The following RGPD2 variants were observed in gnomAD, a reference collection of about 807,000 sequenced individuals.
RGPD2 encodes the protein RANBP2 like and GRIP domain containing 2.
A neutral mutation model predicts 36.0 loss-of-function variants in RGPD2; 2 were observed. That is an observed-to-expected ratio of 0.06 (90% CI 0.02 to 0.17). RGPD2 has a LOEUF of 0.17. RGPD2 is among the 10% of genes least tolerant of loss of function. RGPD2 has a pLI of 1.00. For missense variants in RGPD2, 40 were observed against 464.3 expected, an observed-to-expected ratio of 0.09 and a Z score of 8.40; for synonymous variants, 19 against 163.8, an observed-to-expected ratio of 0.12 and a Z score of 6.75.
At chr2:87,913,991 C>T in the RGPD2 span, among the ~76,000 whole-genome samples, 1 of 151,984 alleles carries the variant, frequency 6.6e-6, no homozygotes, top group Non-Finnish European at 1.5e-5. Flanking sequence ...ATGCTAATTG[C>T]TTAAAGAAGA....
the RGPD2 span, among the ~76,000 whole-genome samples, chr2:87,875,532 C>T: frequency 6.6e-6 from 1 of 152,164 alleles, no homozygotes; most frequent in African/African-American, 2.4e-5. Flanking sequence ...GTTGAACCAA[C>T]AGTTTATACC....
chr2:87,913,279 A>C, the RGPD2 span, among the ~76,000 whole-genome samples: 44 of 151,320 alleles, frequency 2.9e-4, no homozygotes, highest in Non-Finnish European at 4.9e-4. Context: ...CATTCTCAGC[A>C]AACTATCACA....
chr2:87,974,034 G>C, the RGPD2 span, among the ~76,000 whole-genome samples: 53 of 151,930 alleles, frequency 3.5e-4, no homozygotes, highest in Non-Finnish European at 7.1e-4. Context: ...TCACAACTCC[G>C]GGGGCATCAA....
chr2:87,883,972 C>T, the RGPD2 span, among the ~76,000 whole-genome samples: 2 of 151,464 alleles, frequency 1.3e-5, no homozygotes, highest in Non-Finnish European at 3.0e-5. Flanking sequence ...CAGAACATTC[C>T]ACCCAATAGC....
At chr2:87,934,526 TTACAA>T in the RGPD2 span, among the ~76,000 whole-genome samples, 5 of 149,098 alleles carry the variant, frequency 3.4e-5, no homozygotes, top group Admixed American at 6.7e-5. Flanking sequence ...TATGGACTTG[TTACAA>T]TACATTTCAT....
chr2:87,866,689 C>T, the RGPD2 span, among the ~76,000 whole-genome samples: 2 of 152,224 alleles, frequency 1.3e-5, no homozygotes, highest in South Asian at 2.1e-4. Context: ...GGCGGATCCA[C>T]GGCACACACC....
At chr2:87,969,657 C>CAAA in the RGPD2 span, among the ~76,000 whole-genome samples, 1 of 40,512 alleles carries the variant, frequency 2.5e-5, no homozygotes, top group African/African-American at 1.0e-4. Flanking sequence ...GATGCCGTCT[C>CAAA]AAAAAAAAAA....
At chr2:87,809,777 CCT>C (rs1460750530) in intron 6 of RGPD2, among the ~76,000 whole-genome samples, 103 of 151,336 alleles carry the variant, frequency 6.8e-4, no homozygotes, top group South Asian at 2.5e-3. Flanking sequence ...CGGATTCTCC[CCT>C]GAGTGACTCC....
rs1440085340 is a variant in RGPD2, at chr2:87,818,020, T to TTA, written c.137+538_137+539insTA. Among the ~76,000 whole-genome samples, 5 of 65,358 alleles carry TTA rather than the reference T, an allele frequency of 7.7e-5. No homozygotes were observed. The South Asian group carries it at 4.0e-3, about 52-fold the overall frequency. The allele number at this position is 65,358 out of a possible 152,430, so 42.9% of individuals were successfully genotyped here. A position where few individuals can be genotyped will look rare whatever the true frequency, so the allele number is the denominator to read the frequency against. ...CTGAGCAAGAGAGACAGATACTGAC[T>TTA]AAAAAAAAAAAAAAAAAAAAAAAAA... On this transcript the variant is annotated intron_variant, in intron 2 of 22. Coordinates refer to ENST00000398146, the MANE Select transcript of RGPD2 (RefSeq NM_001078170.3).
chr2:87,769,249 G>T (rs1323282901), intron 22 of RGPD2, among the ~76,000 whole-genome samples: 2 of 148,848 alleles, frequency 1.3e-5, no homozygotes, highest in Admixed American at 6.8e-5. Flanking sequence ...TTACAGGTGT[G>T]AGCCACCGTG....
the RGPD2 span, among the ~76,000 whole-genome samples, chr2:87,937,775 G>T: frequency 1.1e-4 from 16 of 152,046 alleles, no homozygotes; most frequent in African/African-American, 3.9e-4. Flanking sequence ...AAGGAAATGT[G>T]AAAGAAAAGG....
the RGPD2 span, among the ~76,000 whole-genome samples, chr2:87,864,158 A>T: frequency 1.3e-5 from 2 of 151,374 alleles, no homozygotes; most frequent in African/African-American, 4.9e-5. Context: ...ATAAATTAGT[A>T]TATGTATTGG....
At chr2:87,988,539 A>T in the RGPD2 span, among the ~76,000 whole-genome samples, 2 of 24,046 alleles carry the variant, frequency 8.3e-5, no homozygotes, top group African/African-American at 1.5e-4. Context: ...ATATATATAT[A>T]TATTTTTTTT....
chr2:87,927,507 A>G, the RGPD2 span, among the ~76,000 whole-genome samples: 7 of 150,536 alleles, frequency 4.7e-5, no homozygotes, highest in Admixed American at 4.7e-4. Flanking sequence ...TGCTATGTAC[A>G]GCATCTGAGA....
the RGPD2 span, among the ~76,000 whole-genome samples, chr2:87,915,431 ATG>A: frequency 7.4e-6 from 1 of 134,280 alleles, no homozygotes; most frequent in Non-Finnish European, 1.6e-5. Flanking sequence ...ATATGTATAT[ATG>A]TATGTGTATA....
chr2:87,921,267 A>G, the RGPD2 span, among the ~76,000 whole-genome samples: 6 of 152,150 alleles, frequency 3.9e-5, no homozygotes, highest in East Asian at 9.6e-4. Flanking sequence ...GAAGCCCTGT[A>G]CTGAATGAAC....
At chr2:87,948,218 T>C in the RGPD2 span, among the ~76,000 whole-genome samples, 4 of 151,960 alleles carry the variant, frequency 2.6e-5, no homozygotes, top group Non-Finnish European at 4.4e-5. Flanking sequence ...TCCTTACTGA[T>C]AAAATGGGGC....
the RGPD2 span, among the ~76,000 whole-genome samples, chr2:87,980,355 A>G: frequency 1.1e-5 from 1 of 87,894 alleles, no homozygotes; most frequent in African/African-American, 3.7e-5. Flanking sequence ...CCGTCTCAAA[A>G]AAAAAAAAAA....
the RGPD2 span, among the ~76,000 whole-genome samples, chr2:87,837,279 C>T: frequency 2.0e-5 from 3 of 151,856 alleles, no homozygotes; most frequent in African/African-American, 4.8e-5. Flanking sequence ...ACATTATTCT[C>T]ATCTGCACAT....
Sources: gnomAD v4.1 joint callset for allele counts (sites outside exome capture counted in the v4.1 genomes callset) on GRCh38, gnomAD v4.1.1 for gene constraint, MANE v1.5 for transcripts, NCBI Gene and HGNC (gene_info 2026-07-23, HGNC 2026-07-21) for gene names.